CDH8: variants seen among roughly 807,000 people sequenced by gnomAD.
The protein encoded by CDH8 is cadherin 8, also known as cadherin-8.
In CDH8, 17 loss-of-function variants were observed where a neutral mutation model predicts 68.1. That is an observed-to-expected ratio of 0.25 (90% CI 0.17 to 0.37). CDH8 has a LOEUF of 0.37. Among genes scored for constraint, CDH8 ranks in the 10% least tolerant of loss-of-function variants. The probability of loss-of-function intolerance (pLI) is 1.00; values close to 1 mark genes in which losing one functional copy is unlikely to be tolerated. For missense variants in CDH8, 763 were observed against 999.3 expected, an observed-to-expected ratio of 0.76 and a Z score of 3.19; for synonymous variants, 372 against 365.1, an observed-to-expected ratio of 1.02 and a Z score of -0.21.
intron 10 of CDH8, among the ~76,000 whole-genome samples, chr16:61,660,009 GA>G (rs774548377): frequency 1.3e-5 from 2 of 152,110 alleles, no homozygotes; most frequent in Non-Finnish European, 2.9e-5. Context: ...GGCAATCAAG[GA>G]GAGCCCTGCC....
chr16:61,901,154 T>G, intron 3 of CDH8, 25 bp downstream of exon 3: 1 of 1,596,064 alleles, frequency 6.3e-7, no homozygotes, highest in Non-Finnish European at 8.6e-7. Flanking sequence ...TTTTAATAGA[T>G]CTGTGAAATT....
At chr16:61,904,798 A>C (rs1403496213) in intron 2 of CDH8, among the ~76,000 whole-genome samples, 1 of 152,176 alleles carries the variant, frequency 6.6e-6, no homozygotes, top group East Asian at 1.9e-4. Context: ...GAGCGGATAC[A>C]TGGTTACAAG....
chr16:61,757,322 G>T (rs574441392), intron 8 of CDH8, among the ~76,000 whole-genome samples: 1 of 152,106 alleles, frequency 6.6e-6, no homozygotes, highest in Non-Finnish European at 1.5e-5. Context: ...CTTTCAGAAT[G>T]CTCTATGGTT....
intron 2 of CDH8, among the ~76,000 whole-genome samples, chr16:61,992,814 G>T (rs926234682): frequency 2.6e-5 from 4 of 152,006 alleles, no homozygotes; most frequent in African/African-American, 4.8e-5. Flanking sequence ...TTTGAGACAG[G>T]GTCCTGCTCA....
At chr16:61,727,862 G>A (rs768936122) in intron 8 of CDH8, among the ~76,000 whole-genome samples, 1 of 150,964 alleles carries the variant, frequency 6.6e-6, no homozygotes, top group East Asian at 1.9e-4. Flanking sequence ...AATCTTTCCA[G>A]GTCAATTCCA....
At chr16:61,925,717 T>C (rs1964446310) in intron 2 of CDH8, among the ~76,000 whole-genome samples, 1 of 152,184 alleles carries the variant, frequency 6.6e-6, no homozygotes, top group Admixed American at 6.5e-5. Flanking sequence ...GAGCACAATA[T>C]ACTACTCCTT....
chr16:61,960,268 CGTGTGTGTGT>C lies in CDH8; in HGVS notation c.253-58805_253-58796del, dbSNP rs1567546353. Among the ~76,000 whole-genome samples, 379 of 76,824 alleles carry C rather than the reference CGTGTGTGTGT, an allele frequency of 4.9e-3. 149 individuals carry two copies. Among genetic ancestry groups the C allele is most frequent in the African/African-American group, 0.033 (356 of 10,654 alleles). 50.4% of individuals were successfully genotyped at this position (76,824 alleles called of 152,430 possible). ...GTGTGTGTATACACATACATATATACGTGTGTGTGTATACACACATATATACGTGTGTGTG... is the reference window on the plus strand; with the variant it reads ...GTGTGTGTATACACATACATATATACATACACACATATATACGTGTGTGTG... On this transcript the variant is annotated intron_variant, in intron 2 of 11. Coordinates refer to ENST00000577390, the MANE Select transcript of CDH8 (RefSeq NM_001796.5).
At chr16:61,706,557 C>G (rs969049825) in intron 10 of CDH8, among the ~76,000 whole-genome samples, 1 of 146,650 alleles carries the variant, frequency 6.8e-6, no homozygotes, top group Non-Finnish European at 1.5e-5. Context: ...GGAAGCGGAG[C>G]CTGCAGTGAG....
intron 8 of CDH8, 22 bp from the exon 9 acceptor site, chr16:61,727,237 A>T: frequency 1.3e-6 from 2 of 1,593,252 alleles, no homozygotes; most frequent in Non-Finnish European, 1.7e-6. Context: ...AAAAAATAAC[A>T]TCAGCATTGA....
chr16:61,747,220 A>G (rs1960045865), intron 8 of CDH8, among the ~76,000 whole-genome samples: 1 of 152,128 alleles, frequency 6.6e-6, no homozygotes, highest in Admixed American at 6.6e-5. Context: ...ATAAGATTGT[A>G]AAAGATATAT....
intron 10 of CDH8, among the ~76,000 whole-genome samples, chr16:61,710,969 G>A (rs1371582602): frequency 2.0e-5 from 3 of 152,114 alleles, no homozygotes; most frequent in Admixed American, 2.0e-4. Flanking sequence ...ACTGGAAGAT[G>A]AAGAAATCAA....
chr16:61,793,574 G>A (rs1283766703), intron 7 of CDH8, among the ~76,000 whole-genome samples: 1 of 151,962 alleles, frequency 6.6e-6, no homozygotes, highest in Non-Finnish European at 1.5e-5. Context: ...CCCTGCAAAG[G>A]ACATGATCTC....
intron 2 of CDH8, among the ~76,000 whole-genome samples, chr16:61,944,357 A>T (rs1316261283): frequency 6.6e-6 from 1 of 152,208 alleles, no homozygotes; most frequent in African/African-American, 2.4e-5. Flanking sequence ...CTTTGAATTC[A>T]GATACGTTTA....
At chr16:61,809,274 G>A (rs1045848442) in intron 7 of CDH8, among the ~76,000 whole-genome samples, 1 of 152,176 alleles carries the variant, frequency 6.6e-6, no homozygotes, top group Non-Finnish European at 1.5e-5. Context: ...TAGTGTAATG[G>A]AGTCAAAGTA....
intron 3 of CDH8, among the ~76,000 whole-genome samples, chr16:61,893,324 T>A (rs1195439985): frequency 6.6e-6 from 1 of 152,088 alleles, no homozygotes; most frequent in East Asian, 1.9e-4. Context: ...AAACGCTGTT[T>A]CTAAATAAGG....
chr16:61,667,928 C>A (rs190241506), intron 10 of CDH8, among the ~76,000 whole-genome samples: 1 of 152,026 alleles, frequency 6.6e-6, no homozygotes, highest in Non-Finnish European at 1.5e-5. Context: ...GCCTTTGTCA[C>A]CTTAACAAAA....
At chr16:61,985,496 G>C (rs1242971007) in intron 2 of CDH8, among the ~76,000 whole-genome samples, 1 of 152,064 alleles carries the variant, frequency 6.6e-6, no homozygotes, top group African/African-American at 2.4e-5. Flanking sequence ...AAAGAAGTTG[G>C]CTGAGTTTCT....
intron 4 of CDH8, among the ~76,000 whole-genome samples, chr16:61,834,011 C>T (rs1373441824): frequency 1.3e-5 from 2 of 151,728 alleles, no homozygotes; most frequent in South Asian, 2.1e-4. Context: ...CAGAACCTAA[C>T]GCAATCCCTG....
At chr16:61,931,461 C>T (rs1324073551) in intron 2 of CDH8, among the ~76,000 whole-genome samples, 3 of 152,112 alleles carry the variant, frequency 2.0e-5, no homozygotes, top group Middle Eastern at 3.2e-3. Flanking sequence ...CAGGCATGAG[C>T]CATTGCACTC....
Sources: allele counts gnomAD v4.1 joint callset (sites outside exome capture counted in the v4.1 genomes callset), GRCh38; gene constraint gnomAD v4.1.1; transcripts MANE v1.5; gene names NCBI Gene and HGNC (gene_info 2026-07-23, HGNC 2026-07-21).